Variants in SLC4A8 observed in about 807,000 individuals in gnomAD.
SLC4A8 encodes the protein solute carrier family 4 member 8.
In SLC4A8, 40 loss-of-function variants were observed where a neutral mutation model predicts 125.0. The ratio of observed to expected loss-of-function variants is 0.32; its 90% CI spans 0.25 to 0.42. SLC4A8 has a LOEUF of 0.42. SLC4A8 is among the 10% of genes least tolerant of loss of function. The pLI is 1.00. For missense variants in SLC4A8, 863 were observed against 1,355.1 expected (o/e 0.64, Z 5.70); for synonymous variants, 456 against 476.0 (o/e 0.96, Z 0.55).
At chr12:51,503,166 T>C (rs1320804210) in intron 22 of SLC4A8, among the ~76,000 whole-genome samples, 1 of 151,056 alleles carries the variant, frequency 6.6e-6, no homozygotes, top group Non-Finnish European at 1.5e-5. Context: ...CAGCAGTGCT[T>C]TGTAGTTCTC....
Position 51,424,861 on chromosome 12 carries a change from T to C in SLC4A8, c.-127T>C. On this transcript the variant is annotated 5_prime_UTR_variant, in exon 1 of 25. Coordinates refer to ENST00000453097, the MANE Select transcript of SLC4A8 (RefSeq NM_001039960.3). ...CCGGTGGCTATGGAGGCGGCGGCGG[T>C]TGATGGTTGACCGTTGGCTCCGGGG... is the stretch of plus-strand genomic sequence containing the variant. 2 of 1,028,416 alleles carry C rather than the reference T, an allele frequency of 1.9e-6. No homozygotes were observed. The highest frequency in any genetic ancestry group is 2.8e-6 in the Non-Finnish European group (2 of 702,400). 63.7% of individuals were successfully genotyped at this position (1,028,416 alleles called of 1,614,324 possible).
At position 51,503,782 on chromosome 12, in the gene SLC4A8, T is replaced by C. The variant is rs747464399; in HGVS notation, c.3082-247T>C. ...TTCTGTCTGCTATATTTGTAGTAAA[T>C]TGGTCATTAGCTCTAGAGGTTTACT... is the stretch of plus-strand genomic sequence containing the variant. On this transcript the variant is annotated intron_variant, in intron 22 of 24. Coordinates refer to ENST00000453097, the MANE Select transcript of SLC4A8 (RefSeq NM_001039960.3). Among the ~76,000 whole-genome samples the C allele has an allele frequency of 3.9e-4, 60 of 152,244 alleles. 1 individual carries two copies. Among genetic ancestry groups the C allele is most frequent in the Non-Finnish European group, 2.9e-5 (2 of 68,044 alleles).
At position 51,474,326 on chromosome 12, in the gene SLC4A8, T is replaced by G; in HGVS notation, c.1905-16T>G. 2 of 1,521,538 alleles carry G rather than the reference T, an allele frequency of 1.3e-6. No homozygotes were observed. Among genetic ancestry groups the G allele is most frequent in the Non-Finnish European group, 1.8e-6 (2 of 1,104,222 alleles). 94.3% of individuals were successfully genotyped at this position (1,521,538 alleles called of 1,614,324 possible). A position where few individuals can be genotyped will look rare whatever the true frequency, so the allele number is the denominator to read the frequency against. On this transcript the variant is annotated splice_polypyrimidine_tract_variant and intron_variant, in intron 14 of 24. Transcript: ENST00000453097. Reference sequence around the variant, plus strand: ...TGGCTGTTTTCCTCAGGAATCTTTTTAATTTTTCCCCTCAGCTGCAGGTGT... The same window carrying G: ...TGGCTGTTTTCCTCAGGAATCTTTTGAATTTTTCCCCTCAGCTGCAGGTGT...
intron 18 of SLC4A8, 75 bp downstream of exon 18, chr12:51,488,935 T>C: frequency 8.8e-7 from 1 of 1,132,380 alleles, no homozygotes; most frequent in Non-Finnish European, 1.3e-6. Flanking sequence ...GGTAAGCACA[T>C]CTAGACCAGA....
In SLC4A8 at chr12:51,496,861, T is replaced by C. The variant is rs17125861; in HGVS notation, c.2944-126T>C. The C allele has an allele frequency of 2.3e-3, 2,017 of 859,046 alleles. 24 individuals carry two copies. In the African/African-American group the frequency reaches 0.03, roughly 13 times the overall value. 53.2% of individuals were successfully genotyped at this position (859,046 alleles called of 1,614,324 possible). A position where few individuals can be genotyped will look rare whatever the true frequency, so the allele number is the denominator to read the frequency against. On this transcript the variant is annotated intron_variant, in intron 21 of 24. Transcript: ENST00000453097. ...GAAAGCATTCAATAAATGGTGACTG[T>C]TAGGATTATTATGAGTTTGATTTTG...
intron 21 of SLC4A8, among the ~76,000 whole-genome samples, chr12:51,496,443 G>T (rs1305998733): frequency 6.6e-6 from 1 of 152,174 alleles, no homozygotes; most frequent in Non-Finnish European, 1.5e-5. Context: ...TTCTCTCTCT[G>T]GGCCTCAGTT....
intron 1 of SLC4A8, among the ~76,000 whole-genome samples, chr12:51,415,592 T>C (rs73095163): frequency 0.017 from 2,647 of 152,188 alleles, 30 homozygotes; most frequent in Non-Finnish European, 0.028. Flanking sequence ...CAGAATAATG[T>C]GTGTTGATTC....
At chr12:51,476,286 A>G (rs1368890280) in intron 16 of SLC4A8, among the ~76,000 whole-genome samples, 1 of 152,166 alleles carries the variant, frequency 6.6e-6, no homozygotes, top group African/African-American at 2.4e-5. Flanking sequence ...GTTTGATACC[A>G]GCCTGGCCAA....
chr12:51,495,467 CTTCT>C (rs1951435756), intron 21 of SLC4A8, among the ~76,000 whole-genome samples: 2 of 100,738 alleles, frequency 2.0e-5, no homozygotes, highest in South Asian at 3.5e-4. Flanking sequence ...TTCTTTCTTT[CTTCT>C]TTTTTTTTTT....
intron 8 of SLC4A8, 67 bp downstream of exon 8, chr12:51,460,175 AAC>A: frequency 8.2e-7 from 1 of 1,219,950 alleles, no homozygotes; most frequent in Admixed American, 1.7e-5. Flanking sequence ...TGGTAGAAGA[AAC>A]CACTTAATAC....
intron 11 of SLC4A8, among the ~76,000 whole-genome samples, chr12:51,466,991 G>A (rs1420048519): frequency 6.6e-6 from 1 of 151,742 alleles, no homozygotes; most frequent in Non-Finnish European, 1.5e-5. Flanking sequence ...GTGTGTAGGG[G>A]GTCACTATTA....
rs540115539 is a variant in SLC4A8, at chr12:51,439,259, G to A, written c.49-1449G>A. Among the ~76,000 whole-genome samples the A allele has an allele frequency of 2.6e-5, 4 of 152,268 alleles. No individual in the cohort carries two copies. The South Asian group carries it at 8.3e-4, about 32-fold the overall frequency. ...TTTAGTAGAGATGGGGTTTCACCATGTTGGTCAGGCCAGTCTTGAACTCCT... is the reference window on the plus strand; with the variant it reads ...TTTAGTAGAGATGGGGTTTCACCATATTGGTCAGGCCAGTCTTGAACTCCT... On this transcript the variant is annotated intron_variant, in intron 1 of 24. Transcript: ENST00000453097.
At chr12:51,422,513 C>G (rs1323361942), upstream of SLC4A8, among the ~76,000 whole-genome samples, 1 of 152,104 alleles carries the variant, frequency 6.6e-6, no homozygotes, top group African/African-American at 2.4e-5. Context: ...TGCCACCATG[C>G]CTGGCTAATT....
intron 22 of SLC4A8, among the ~76,000 whole-genome samples, chr12:51,500,092 G>T (rs1428580804): frequency 6.6e-6 from 1 of 152,208 alleles, no homozygotes; most frequent in Non-Finnish European, 1.5e-5. Flanking sequence ...ATGACTCTTA[G>T]ATTTTTGGAC....
chr12:51,417,225 C>T (rs1388933138), intron 1 of SLC4A8, among the ~76,000 whole-genome samples: 1 of 152,224 alleles, frequency 6.6e-6, no homozygotes, highest in Non-Finnish European at 1.5e-5. Flanking sequence ...CTTTGTCACC[C>T]AGTGCAGTGG....
At chr12:51,473,978 G>A (rs1246628875) in intron 14 of SLC4A8, among the ~76,000 whole-genome samples, 1 of 152,042 alleles carries the variant, frequency 6.6e-6, no homozygotes, top group Non-Finnish European at 1.5e-5. Context: ...TTGCTATGTA[G>A]ACTAAATTTC....
At chr12:51,395,774 G>C (rs1187837524) in intron 1 of SLC4A8, among the ~76,000 whole-genome samples, 1 of 152,194 alleles carries the variant, frequency 6.6e-6, no homozygotes, top group Non-Finnish European at 1.5e-5. Context: ...AAACAACGGA[G>C]TCTCCCACTC....
chr12:51,392,590 AAAAAGAAAAG>A (rs1240861311), intron 1 of SLC4A8, among the ~76,000 whole-genome samples: 13 of 151,078 alleles, frequency 8.6e-5, no homozygotes, highest in Admixed American at 5.3e-4. Context: ...AAAAAAAGAA[AAAAAGAAAAG>A]AAAAGAAAAG....
At chr12:51,463,974 C>T (rs1173775684) in intron 11 of SLC4A8, among the ~76,000 whole-genome samples, 1 of 152,210 alleles carries the variant, frequency 6.6e-6, no homozygotes, top group Non-Finnish European at 1.5e-5. Flanking sequence ...GATTTGAACA[C>T]TCTTCCCTTT....
Sources: gnomAD v4.1 joint callset for allele counts (sites outside exome capture counted in the v4.1 genomes callset) on GRCh38, gnomAD v4.1.1 for gene constraint, MANE v1.5 for transcripts, NCBI Gene and HGNC (gene_info 2026-07-23, HGNC 2026-07-21) for gene names.